Variants in PCDHA10 observed in about 807,000 individuals in gnomAD.
PCDHA10 encodes protocadherin alpha 10.
In PCDHA10, 45 loss-of-function variants were observed where a neutral mutation model predicts 61.2. The ratio of observed to expected loss-of-function variants is 0.74; its 90% CI spans 0.58 to 0.94. The LOEUF is 0.94. PCDHA10 is among the 40% of genes least tolerant of loss of function. The pLI is 0.00. For missense variants in PCDHA10, 1,278 were observed against 1,236.2 expected (o/e 1.03, Z -0.51); for synonymous variants, 602 against 548.8 (o/e 1.10, Z -1.35).
chr5:140,900,360 C>T (rs952432002), intron 1 of PCDHA10, among the ~76,000 whole-genome samples: 2 of 152,168 alleles, frequency 1.3e-5, no homozygotes, highest in Non-Finnish European at 2.9e-5. Flanking sequence ...TCACCGCAAC[C>T]TCTGCCTCCT....
intron 1 of PCDHA10, chr5:140,966,615 G>C (rs1423136904): frequency 3.9e-6 from 3 of 773,600 alleles, no homozygotes; most frequent in Non-Finnish European, 5.6e-6. Flanking sequence ...GAGGGCCTAC[G>C]GAGGGAGCGG....
In PCDHA10 at chr5:140,895,583, A is replaced by C. The variant is rs545210218; in HGVS notation, c.2388+37147A>C. On this transcript the variant is annotated intron_variant, in intron 1 of 3. Coordinates refer to ENST00000307360, the MANE Select transcript of PCDHA10 (RefSeq NM_018901.4). ...ATATTCTAGATGCAATTACTTTATT[A>C]GATATATAATTTGCAAAGATTTTCT... Among the ~76,000 whole-genome samples, 15 of 152,292 alleles carry C rather than the reference A, an allele frequency of 9.8e-5. No individual in the cohort carries two copies. In the South Asian group the frequency reaches 3.1e-3, roughly 32 times the overall value.
chr5:140,968,127 C>T (rs1217974732), intron 1 of PCDHA10: 7 of 1,614,064 alleles, frequency 4.3e-6, no homozygotes, highest in Non-Finnish European at 5.9e-6. Context: ...TCCCTGCGTA[C>T]ACTGAAGGTT....
chr5:140,918,503 C>G (rs2078725431), intron 1 of PCDHA10, among the ~76,000 whole-genome samples: 1 of 152,056 alleles, frequency 6.6e-6, no homozygotes, highest in Non-Finnish European at 1.5e-5. Flanking sequence ...GGTACCAATC[C>G]TTTTAAACTT....
intron 1 of PCDHA10, among the ~76,000 whole-genome samples, chr5:140,945,892 G>T (rs1351699782): frequency 1.3e-5 from 2 of 152,018 alleles, no homozygotes; most frequent in African/African-American, 4.8e-5. Context: ...AGAAAACACA[G>T]TGGGAAAGAT....
At chr5:140,960,548 A>G (rs73793541) in intron 1 of PCDHA10, among the ~76,000 whole-genome samples, 2,047 of 152,290 alleles carry the variant, frequency 0.013, 37 homozygotes, top group African/African-American at 0.047. Context: ...TGGCCTTCAT[A>G]TAGACTGAGC....
chr5:140,990,148 A>T (rs1236453414), intron 3 of PCDHA10, among the ~76,000 whole-genome samples: 1 of 152,146 alleles, frequency 6.6e-6, no homozygotes, highest in African/African-American at 2.4e-5. Flanking sequence ...AGGCATAATA[A>T]TAGAAAGTTA....
chr5:140,887,523 A>G (rs2061479096), intron 1 of PCDHA10, among the ~76,000 whole-genome samples: 1 of 152,078 alleles, frequency 6.6e-6, no homozygotes, highest in Non-Finnish European at 1.5e-5. Flanking sequence ...TTTATATATG[A>G]GTCTTCCTCT....
At chr5:140,970,121 G>C (rs1230320134) in intron 1 of PCDHA10, among the ~76,000 whole-genome samples, 1 of 152,184 alleles carries the variant, frequency 6.6e-6, no homozygotes, top group Non-Finnish European at 1.5e-5. Flanking sequence ...GCTGGGATTA[G>C]AAGGAAGAGA....
chr5:140,993,617 C>A (rs1299213362), intron 3 of PCDHA10, among the ~76,000 whole-genome samples: 3 of 152,034 alleles, frequency 2.0e-5, no homozygotes, highest in Non-Finnish European at 4.4e-5. Context: ...TGTTGGGACC[C>A]TCTATATATA....
intron 1 of PCDHA10, among the ~76,000 whole-genome samples, chr5:140,915,901 G>A (rs1339531688): frequency 1.3e-5 from 2 of 152,250 alleles, no homozygotes; most frequent in East Asian, 1.9e-4. Flanking sequence ...CCTGGCCCTG[G>A]GCAGGCCCAG....
In PCDHA10 at chr5:140,917,987, A is replaced by G. The variant is rs140618239; in HGVS notation, c.2388+59551A>G. 3.9e-3 allele frequency among the ~76,000 whole-genome samples: 598 copies of G among 152,198 alleles called. 2 individuals are homozygous for G. The highest frequency in any genetic ancestry group is 5.9e-3 in the Admixed American group (90 of 15,276). ...GAATCTGTGAATTGCTTTGGACAGT[A>G]TGGTTATCTTAACAATGTTGTTTCT... On this transcript the variant is annotated intron_variant, in intron 1 of 3. Coordinates refer to ENST00000307360, the MANE Select transcript of PCDHA10 (RefSeq NM_018901.4).
intron 1 of PCDHA10, chr5:140,867,619 C>G (rs1554161426): frequency 6.6e-6 from 1 of 152,174 alleles, no homozygotes; most frequent in African/African-American, 2.4e-5. Context: ...AACTATAGAA[C>G]AAAATATTTA....
intron 1 of PCDHA10, chr5:140,859,995 A>C (rs1279929843): frequency 6.6e-6 from 1 of 152,046 alleles, no homozygotes; most frequent in Non-Finnish European, 1.5e-5. Context: ...CTCTCCATCA[A>C]TACTAACTTA....
Position 140,857,528 on chromosome 5 carries a change from G to A in PCDHA10, c.1480G>A (p.Val494Met). Residue 494 changes from valine to methionine, a missense_variant, in exon 1 of 4, where the codon GTG (valine) becomes ATG (methionine). Physicochemically the swap from Val to Met is conservative, Grantham distance 21. Transcript: ENST00000307360. Reference sequence around the variant, plus strand: ...GAACGCCCTGGTGTCCTACTCTCTGGTGGAGCGGCGGTTGGGCGAGCGCTC... The same window carrying A: ...GAACGCCCTGGTGTCCTACTCTCTGATGGAGCGGCGGTTGGGCGAGCGCTC... ...QENALVSYSL[V>M]ERRLGERSLS... 6.3e-7 allele frequency: 1 copy of A among 1,597,766 alleles called. No individual in the cohort carries two copies. Among genetic ancestry groups the A allele is most frequent in the Non-Finnish European group, 8.6e-7 (1 of 1,167,786 alleles).
At chr5:140,892,980 G>T (rs568292110) in intron 1 of PCDHA10, among the ~76,000 whole-genome samples, 192 of 152,148 alleles carry the variant, frequency 1.3e-3, no homozygotes, top group African/African-American at 4.5e-3. Flanking sequence ...TGTAGCTGCC[G>T]TATAAGTGAG....
chr5:140,988,204 AG>A (rs2097287084), intron 3 of PCDHA10, among the ~76,000 whole-genome samples: 1 of 152,100 alleles, frequency 6.6e-6, no homozygotes, highest in South Asian at 2.1e-4. Context: ...TATCCTTATT[AG>A]GAAAAAAAAA....
chr5:140,881,230 G>A (rs1467821983), intron 1 of PCDHA10: 2 of 301,850 alleles, frequency 6.6e-6, no homozygotes, highest in Non-Finnish European at 9.8e-6. Flanking sequence ...GAAAATTAAA[G>A]TCAATTTAAA....
intron 1 of PCDHA10, among the ~76,000 whole-genome samples, chr5:140,922,848 C>T (rs1345344826): frequency 2.6e-5 from 4 of 151,962 alleles, no homozygotes; most frequent in African/African-American, 9.7e-5. Flanking sequence ...TCAAAGAGAC[C>T]AAATACATAG....
Sources: allele counts gnomAD v4.1 joint callset (sites outside exome capture counted in the v4.1 genomes callset), GRCh38; gene constraint gnomAD v4.1.1; transcripts MANE v1.5; gene names NCBI Gene and HGNC (gene_info 2026-07-23, HGNC 2026-07-21).